Variants in SELENOF observed in about 807,000 individuals in gnomAD.
The protein encoded by SELENOF is 15 kDa selenoprotein.
SELENOF carries 16 observed loss-of-function variants against 20.5 expected under a neutral mutation model. That is an observed-to-expected ratio of 0.78 (90% CI 0.53 to 1.19). The LOEUF (loss-of-function observed/expected upper bound fraction) is 1.19, where lower values mean the gene tolerates loss of function less well. Ranked by LOEUF, SELENOF falls within the 50% of genes most tolerant of loss-of-function variation. SELENOF has a pLI of 0.00. For synonymous variants in SELENOF, 78 were observed against 74.5 expected, an observed-to-expected ratio of 1.05 and a Z score of -0.24; for missense variants, 215 against 194.2, an observed-to-expected ratio of 1.11 and a Z score of -0.64.
chr1:86,898,785 A>C (rs964572291), intron 2 of SELENOF, among the ~76,000 whole-genome samples: 4 of 149,718 alleles, frequency 2.7e-5, no homozygotes, highest in African/African-American at 9.8e-5. Context: ...TGTTTTTTTT[A>C]ATTTTCATTT....
Position 86,867,119 on chromosome 1 carries a change from T to G in SELENOF, c.366+934A>C, listed in dbSNP as rs138204112. ...GTAATATTCAGTAATAAGAAGCCAA[T>G]CTGAAAAGGCTACATATTGTATGGT... On this transcript the variant is annotated intron_variant, in intron 4 of 4. Transcript: ENST00000331835. Among the ~76,000 whole-genome samples, 740 of 152,144 alleles carry G rather than the reference T, an allele frequency of 4.9e-3. 8 individuals carry two copies. Among genetic ancestry groups the G allele is most frequent in the African/African-American group, 0.017 (698 of 41,490 alleles).
At chr1:86,887,331 C>A in intron 2 of SELENOF, 1 of 1,036,786 alleles carries the variant, frequency 9.6e-7, no homozygotes, top group Non-Finnish European at 1.3e-6. Flanking sequence ...TGAAAAAATA[C>A]AAAGCAATGA....
chr1:86,869,739 T>C (rs1490950906), intron 3 of SELENOF, among the ~76,000 whole-genome samples: 2 of 151,796 alleles, frequency 1.3e-5, no homozygotes, highest in Admixed American at 6.6e-5. Context: ...TTCTTTCTTT[T>C]CTTTTCTTTC....
chr1:86,867,111 G>C (rs1308922979), intron 4 of SELENOF, among the ~76,000 whole-genome samples: 1 of 152,118 alleles, frequency 6.6e-6, no homozygotes, highest in Admixed American at 6.6e-5. Context: ...TCAGTAATAA[G>C]AAGCCAATCT....
At chr1:86,898,780 T>G (rs112347524) in intron 2 of SELENOF, among the ~76,000 whole-genome samples, 1,571 of 144,670 alleles carry the variant, frequency 0.011, 28 homozygotes, top group African/African-American at 0.033. Context: ...TTGTTTGTTT[T>G]TTTTAATTTT....
intron 2 of SELENOF, among the ~76,000 whole-genome samples, chr1:86,887,349 C>T (rs1487608043): frequency 2.6e-5 from 4 of 152,094 alleles, no homozygotes; most frequent in Non-Finnish European, 5.9e-5. Context: ...TGAGTTTATG[C>T]CTAAGGAAAC....
At chr1:86,882,706 A>C (rs1400719951) in intron 2 of SELENOF, among the ~76,000 whole-genome samples, 3 of 152,240 alleles carry the variant, frequency 2.0e-5, no homozygotes, top group Non-Finnish European at 2.9e-5. Flanking sequence ...TTATACACCC[A>C]TGTTCACAGC....
intron 3 of SELENOF, among the ~76,000 whole-genome samples, chr1:86,876,302 T>C (rs1250328980): frequency 6.6e-6 from 1 of 152,166 alleles, no homozygotes; most frequent in African/African-American, 2.4e-5. Flanking sequence ...CTTTGCCTGA[T>C]CATAATGCCA....
chr1:86,895,455 G>A (rs545068762), intron 2 of SELENOF, among the ~76,000 whole-genome samples: 1 of 152,160 alleles, frequency 6.6e-6, no homozygotes, highest in Admixed American at 6.5e-5. Context: ...ATTTTAAGCA[G>A]TGCATGCATA....
rs377672821 is a variant in SELENOF at position 86,867,673 on chromosome 1, A to C, written c.366+380T>G. On this transcript the variant is annotated intron_variant, in intron 4 of 4. Coordinates refer to ENST00000331835, the MANE Select transcript of SELENOF (RefSeq NM_004261.5). Reference sequence around the variant, plus strand: ...ATTATGCATTTGGCAAAACTCCTATAATTATACAACACAAAGAATGAATGC... The same window carrying C: ...ATTATGCATTTGGCAAAACTCCTATCATTATACAACACAAAGAATGAATGC... Among the ~76,000 whole-genome samples, 5 of 152,258 alleles carry C rather than the reference A, an allele frequency of 3.3e-5. No homozygotes were observed. In the East Asian group the frequency reaches 5.8e-4, roughly 18 times the overall value.
At chr1:86,870,492 C>T (rs951839513) in intron 3 of SELENOF, among the ~76,000 whole-genome samples, 5 of 152,224 alleles carry the variant, frequency 3.3e-5, no homozygotes, top group African/African-American at 4.8e-5. Flanking sequence ...CTATGTAACA[C>T]GCAGTAACTG....
chr1:86,893,511 A>C (rs1659441673), intron 2 of SELENOF, among the ~76,000 whole-genome samples: 1 of 151,380 alleles, frequency 6.6e-6, no homozygotes, highest in Non-Finnish European at 1.5e-5. Context: ...CCAGCTACTC[A>C]GGAGGCTGAG....
chr1:86,889,014 T>G (rs952127865), intron 2 of SELENOF, among the ~76,000 whole-genome samples: 1 of 152,198 alleles, frequency 6.6e-6, no homozygotes, highest in South Asian at 2.1e-4. Context: ...AATTAAATTG[T>G]GGTATCTCCC....
At chr1:86,885,595 C>G (rs1018724866) in intron 2 of SELENOF, among the ~76,000 whole-genome samples, 2 of 152,176 alleles carry the variant, frequency 1.3e-5, no homozygotes, top group African/African-American at 4.8e-5. Context: ...CAATACGAAG[C>G]ACTTAAAGTA....
intron 3 of SELENOF, among the ~76,000 whole-genome samples, chr1:86,871,061 T>C (rs1013339961): frequency 1.3e-5 from 2 of 152,186 alleles, no homozygotes; most frequent in Admixed American, 6.5e-5. Flanking sequence ...CTTCCTAATT[T>C]TGAATATCTG....
intron 3 of SELENOF, among the ~76,000 whole-genome samples, chr1:86,870,835 G>A (rs2102073021): frequency 1.3e-5 from 2 of 152,210 alleles, no homozygotes; most frequent in East Asian, 3.9e-4. Context: ...TAGCCAGGAT[G>A]GTCTCAATCT....
At chr1:86,872,628 G>C (rs1391434982) in intron 3 of SELENOF, among the ~76,000 whole-genome samples, 1 of 150,136 alleles carries the variant, frequency 6.7e-6, no homozygotes, top group Non-Finnish European at 1.5e-5. Flanking sequence ...TGATCCACCC[G>C]CCTCGGCCTT....
intron 3 of SELENOF, among the ~76,000 whole-genome samples, chr1:86,872,238 T>C (rs1249009024): frequency 1.3e-5 from 2 of 152,232 alleles, no homozygotes; most frequent in Non-Finnish European, 2.9e-5. Flanking sequence ...GCAATGTGCT[T>C]TGAATGCAAC....
intron 2 of SELENOF, among the ~76,000 whole-genome samples, chr1:86,894,365 A>T (rs965166158): frequency 2.6e-5 from 4 of 152,110 alleles, no homozygotes; most frequent in Non-Finnish European, 5.9e-5. Flanking sequence ...TTTATATTAC[A>T]AACATATAGC....
Sources: allele counts gnomAD v4.1 joint callset (sites outside exome capture counted in the v4.1 genomes callset), GRCh38; gene constraint gnomAD v4.1.1; transcripts MANE v1.5; gene names NCBI Gene and HGNC (gene_info 2026-07-23, HGNC 2026-07-21).